ADCY2: variants seen among roughly 807,000 people sequenced by gnomAD.
ADCY2 encodes the protein adenylate cyclase type 2.
In ADCY2, 31 loss-of-function variants were observed where a neutral mutation model predicts 125.2. The ratio of observed to expected loss-of-function variants is 0.25; its 90% CI spans 0.19 to 0.33. ADCY2 has a LOEUF of 0.33. Among genes scored for constraint, ADCY2 ranks in the 10% least tolerant of loss-of-function variants. ADCY2 has a pLI of 1.00. For synonymous variants in ADCY2, 512 were observed against 548.4 expected, an observed-to-expected ratio of 0.93 and a Z score of 0.93; for missense variants, 904 against 1,418.2, an observed-to-expected ratio of 0.64 and a Z score of 5.82.
At chr5:7,405,303 CTTT>C (rs748815042) in intron 1 of ADCY2, among the ~76,000 whole-genome samples, 4 of 136,570 alleles carry the variant, frequency 2.9e-5, no homozygotes. Context: ...TTGAACTACT[CTTT>C]TTTTTTTTTT....
chr5:7,433,288 G>C (rs1032559437), intron 2 of ADCY2, among the ~76,000 whole-genome samples: 15 of 152,138 alleles, frequency 9.9e-5, no homozygotes, highest in Admixed American at 5.2e-4. Flanking sequence ...TACTTAAGGA[G>C]GAGACGATTC....
intron 3 of ADCY2, among the ~76,000 whole-genome samples, chr5:7,528,934 C>T (rs1467373147): frequency 6.6e-6 from 1 of 152,240 alleles, no homozygotes; most frequent in Non-Finnish European, 1.5e-5. Context: ...AGAAAATCAG[C>T]ATCCCCAATG....
intron 14 of ADCY2, among the ~76,000 whole-genome samples, chr5:7,728,554 T>A (rs1009362677): frequency 6.6e-6 from 1 of 152,106 alleles, no homozygotes; most frequent in African/African-American, 2.4e-5. Flanking sequence ...CAAACAAATG[T>A]TAACAAATTA....
chr5:7,551,686 A>C (rs1579565024), intron 3 of ADCY2, among the ~76,000 whole-genome samples: 1 of 152,332 alleles, frequency 6.6e-6, no homozygotes, highest in Non-Finnish European at 1.5e-5. Flanking sequence ...TGATATCCAA[A>C]CAAAACCAGT....
At chr5:7,693,554 G>T (rs1282639369) in intron 5 of ADCY2, among the ~76,000 whole-genome samples, 1 of 151,838 alleles carries the variant, frequency 6.6e-6, no homozygotes, top group Non-Finnish European at 1.5e-5. Flanking sequence ...AAGTAGCTGG[G>T]ATTACAGGCA....
chr5:7,579,509 T>G (rs1005376076), intron 3 of ADCY2, among the ~76,000 whole-genome samples: 2 of 151,938 alleles, frequency 1.3e-5, no homozygotes, highest in Non-Finnish European at 2.9e-5. Flanking sequence ...ATAAGCATGA[T>G]CCAGCCAGCA....
chr5:7,501,823 T>C (rs1231181671), intron 2 of ADCY2, among the ~76,000 whole-genome samples: 1 of 151,928 alleles, frequency 6.6e-6, no homozygotes, highest in Non-Finnish European at 1.5e-5. Flanking sequence ...GCAGGATCAG[T>C]GGATTATTTG....
At chr5:7,499,228 G>C in intron 2 of ADCY2, among the ~76,000 whole-genome samples, 1 of 152,040 alleles carries the variant, frequency 6.6e-6, no homozygotes, top group East Asian at 1.9e-4. Context: ...GGATGGTCTC[G>C]ATCTCTTGAC....
At chr5:7,749,488 A>G (rs1445547345) in intron 15 of ADCY2, among the ~76,000 whole-genome samples, 3 of 152,224 alleles carry the variant, frequency 2.0e-5, no homozygotes, top group Non-Finnish European at 4.4e-5. Flanking sequence ...TTTTCATTAC[A>G]ATTAGCAATT....
intron 3 of ADCY2, among the ~76,000 whole-genome samples, chr5:7,568,314 C>T (rs934289261): frequency 1.2e-4 from 18 of 152,206 alleles, no homozygotes; most frequent in African/African-American, 2.9e-4. Flanking sequence ...AGTCTTGATA[C>T]GGTTTAATCA....
intron 4 of ADCY2, among the ~76,000 whole-genome samples, chr5:7,681,551 A>T (rs1740337610): frequency 1.3e-5 from 2 of 152,184 alleles, no homozygotes; most frequent in Admixed American, 1.3e-4. Context: ...AGAGAAATGC[A>T]GTGCAGTTTT....
intron 1 of ADCY2, among the ~76,000 whole-genome samples, chr5:7,398,251 A>G (rs1306137308): frequency 6.6e-6 from 1 of 152,284 alleles, no homozygotes; most frequent in African/African-American, 2.4e-5. Flanking sequence ...CTCTGCACAC[A>G]CCACTTTGTT....
chr5:7,829,140 C>T lies in ADCY2; in HGVS notation c.*2269C>T, dbSNP rs755112459. 21 of 152,312 alleles carry T rather than the reference C, an allele frequency of 1.4e-4. No individual in the cohort carries two copies. Among genetic ancestry groups the T allele is most frequent in the Non-Finnish European group, 1.8e-4 (12 of 68,050 alleles). The allele number at this position is 152,312 out of a possible 1,614,324, so 9.4% of individuals were successfully genotyped here. A position where few individuals can be genotyped will look rare whatever the true frequency, so the allele number is the denominator to read the frequency against. ...CCCATAGGAGCAGCCTTAGCATCCC[C>T]TGTGAACTTATCAAAAATGCAAATT... On this transcript the variant is annotated 3_prime_UTR_variant, in exon 25 of 25. Coordinates refer to ENST00000338316, the MANE Select transcript of ADCY2 (RefSeq NM_020546.3).
intron 2 of ADCY2, among the ~76,000 whole-genome samples, chr5:7,419,829 A>G (rs188458916): frequency 5.1e-4 from 78 of 152,342 alleles, no homozygotes; most frequent in African/African-American, 1.5e-3. Context: ...ACAGACAGCT[A>G]GCACGTGCAT....
intron 2 of ADCY2, among the ~76,000 whole-genome samples, chr5:7,480,004 A>G (rs991725802): frequency 6.6e-6 from 1 of 152,226 alleles, no homozygotes; most frequent in African/African-American, 2.4e-5. Context: ...TAATAATCAT[A>G]TGAAAAAAAG....
chr5:7,417,623 G>T (rs538334056), intron 2 of ADCY2, among the ~76,000 whole-genome samples: 1 of 152,286 alleles, frequency 6.6e-6, no homozygotes, highest in Non-Finnish European at 1.5e-5. Flanking sequence ...AGGTCCTTTT[G>T]TCTGTCTGGA....
At chr5:7,608,755 A>G (rs981112368) in intron 3 of ADCY2, among the ~76,000 whole-genome samples, 2 of 152,132 alleles carry the variant, frequency 1.3e-5, no homozygotes, top group Admixed American at 1.3e-4. Flanking sequence ...GCCCTCCCCA[A>G]GAACTATTGT....
intron 18 of ADCY2, among the ~76,000 whole-genome samples, chr5:7,774,809 C>A (rs891980308): frequency 1.3e-5 from 2 of 152,148 alleles, no homozygotes; most frequent in African/African-American, 4.8e-5. Context: ...CCAGCATCCT[C>A]CTCGGGGGCA....
intron 2 of ADCY2, among the ~76,000 whole-genome samples, chr5:7,433,411 G>A (rs543226663): frequency 5.3e-4 from 81 of 152,060 alleles, no homozygotes; most frequent in African/African-American, 1.9e-3. Flanking sequence ...AACCATACAT[G>A]GTTTGTGTGT....
Sources: gnomAD v4.1 joint callset for allele counts (sites outside exome capture counted in the v4.1 genomes callset) on GRCh38, gnomAD v4.1.1 for gene constraint, MANE v1.5 for transcripts, NCBI Gene and HGNC (gene_info 2026-07-23, HGNC 2026-07-21) for gene names.